The following DIP2B variants were observed in gnomAD, a reference collection of about 807,000 sequenced individuals.
DIP2B encodes disco-interacting protein 2 homolog B.
Under a neutral mutation model 198.0 loss-of-function variants are expected in DIP2B, and 76 were observed. The observed-to-expected ratio is 0.38, with a 90% CI of 0.32 to 0.46. DIP2B has a LOEUF of 0.46. Among genes scored for constraint, DIP2B ranks in the 20% least tolerant of loss-of-function variants. The pLI is 0.99. For synonymous variants in DIP2B, 701 were observed against 739.1 expected, an observed-to-expected ratio of 0.95 and a Z score of 0.84; for missense variants, 1,559 against 1,978.4, an observed-to-expected ratio of 0.79 and a Z score of 4.02.
rs953184400 is a variant in DIP2B, at chr12:50,745,468, G to A, written c.*629G>A. The A allele has an allele frequency of 6.6e-6, 1 of 152,522 alleles. No individual in the cohort carries two copies. Among genetic ancestry groups the A allele is most frequent in the East Asian group, 1.9e-4 (1 of 5,206 alleles). 9.4% of individuals were successfully genotyped at this position (152,522 alleles called of 1,614,324 possible). A position where few individuals can be genotyped will look rare whatever the true frequency, so the allele number is the denominator to read the frequency against. On this transcript the variant is annotated 3_prime_UTR_variant, in exon 38 of 38. Transcript: ENST00000301180. ...TTGTATAGTTATAACAACCACAGTA[G>A]AAACATTTCTACTTTGAGAGAATTT... is the stretch of plus-strand genomic sequence containing the variant.
At chr12:50,573,057 C>T (rs1237144953) in intron 1 of DIP2B, among the ~76,000 whole-genome samples, 4 of 152,212 alleles carry the variant, frequency 2.6e-5, no homozygotes, top group East Asian at 1.9e-4. Flanking sequence ...GAAATAAAGC[C>T]GCAGAGGGTG....
intron 3 of DIP2B, among the ~76,000 whole-genome samples, chr12:50,653,251 A>C (rs1326120220): frequency 7.4e-6 from 1 of 135,516 alleles, no homozygotes. Flanking sequence ...TGTTAGGTTT[A>C]TGTTTCTAAG....
At chr12:50,526,631 T>TC (rs1246554188) in intron 1 of DIP2B, among the ~76,000 whole-genome samples, 2 of 126,024 alleles carry the variant, frequency 1.6e-5, no homozygotes, top group Non-Finnish European at 3.3e-5. Flanking sequence ...TCTGCCTTTT[T>TC]TTTTTTTTTT....
chr12:50,645,830 G>A (rs1395395937), intron 3 of DIP2B, among the ~76,000 whole-genome samples: 1 of 151,786 alleles, frequency 6.6e-6, no homozygotes, highest in Non-Finnish European at 1.5e-5. Flanking sequence ...TAAATAATAT[G>A]TTTATAATTG....
intron 28 of DIP2B, among the ~76,000 whole-genome samples, chr12:50,726,596 C>T (rs912356876): frequency 8.5e-5 from 13 of 152,088 alleles, no homozygotes; most frequent in African/African-American, 3.1e-4. Flanking sequence ...AGTGGTCTAC[C>T]TGCCTCGGCC....
At chr12:50,575,004 A>G (rs969005379) in intron 1 of DIP2B, among the ~76,000 whole-genome samples, 2 of 152,174 alleles carry the variant, frequency 1.3e-5, no homozygotes, top group African/African-American at 4.8e-5. Context: ...AACATTTTAA[A>G]ATATGCCTAC....
chr12:50,563,683 A>T (rs1180589967), intron 1 of DIP2B, among the ~76,000 whole-genome samples: 1 of 150,950 alleles, frequency 6.6e-6, no homozygotes, highest in Non-Finnish European at 1.5e-5. Flanking sequence ...TTTTATGGGT[A>T]TGGGGTGTCA....
In DIP2B at chr12:50,745,057, A is replaced by G. The variant is rs746838927; in HGVS notation, c.*218A>G. The stretch of plus-strand genomic sequence containing the variant: ...TAACATTTGGTAGACATGTGCTTTG[A>G]CATAGCGTGAGCAGCACATTACTAA... On this transcript the variant is annotated 3_prime_UTR_variant, in exon 38 of 38. Transcript: ENST00000301180. 1.7e-6 allele frequency: 1 copy of G among 600,460 alleles called. No individual in the cohort carries two copies. The highest frequency in any genetic ancestry group is 1.9e-5 in the African/African-American group (1 of 54,040). The allele number at this position is 600,460 out of a possible 1,614,324, so 37.2% of individuals were successfully genotyped here.
intron 1 of DIP2B, among the ~76,000 whole-genome samples, chr12:50,584,511 G>A (rs1958753117): frequency 6.6e-6 from 1 of 152,164 alleles, no homozygotes. Context: ...CTTGTATGCT[G>A]TTCTCTTCAC....
chr12:50,517,210 C>T (rs1054859647), intron 1 of DIP2B, among the ~76,000 whole-genome samples: 4 of 151,816 alleles, frequency 2.6e-5, no homozygotes, highest in East Asian at 3.9e-4. Flanking sequence ...TGAGCCACCG[C>T]ACCCGACCAA....
At chr12:50,526,742 T>TG (rs2139358826) in intron 1 of DIP2B, among the ~76,000 whole-genome samples, 1 of 3,004 alleles carries the variant, frequency 3.3e-4, no homozygotes, top group Non-Finnish European at 0.031. Context: ...GTTCAAGCGA[T>TG]TTCCTGCCTC....
intron 1 of DIP2B, among the ~76,000 whole-genome samples, chr12:50,535,413 C>T (rs1360670946): frequency 1.3e-5 from 2 of 149,010 alleles, no homozygotes; most frequent in Non-Finnish European, 3.0e-5. Flanking sequence ...GTCACCCAGG[C>T]TGGAGTGCAG....
At chr12:50,723,050 C>A in intron 26 of DIP2B, 152 bp from the exon 27 acceptor site, 1 of 855,934 alleles carries the variant, frequency 1.2e-6, no homozygotes, top group Non-Finnish European at 1.7e-6. Flanking sequence ...CCTTCTTTCA[C>A]TTTCAATATC....
chr12:50,680,328 AT>A (rs1939019732), intron 8 of DIP2B: 1 of 165,098 alleles, frequency 6.1e-6, no homozygotes, highest in African/African-American at 2.4e-5. Context: ...GTAATTAAAA[AT>A]ATTGTTTTCC....
chr12:50,742,094 T>C (rs1291122240), intron 37 of DIP2B, among the ~76,000 whole-genome samples: 1 of 152,056 alleles, frequency 6.6e-6, no homozygotes, highest in African/African-American at 2.4e-5. Context: ...ACTTAAAATC[T>C]GTAAAATTAA....
rs752462663 is a variant in DIP2B at position 50,699,051 on chromosome 12, T to C, written c.2189-15T>C. 6.2e-7 allele frequency: 1 copy of C among 1,613,068 alleles called. No homozygotes were observed. The highest frequency in any genetic ancestry group is 8.5e-7 in the Non-Finnish European group (1 of 1,179,694). On this transcript the variant is annotated splice_polypyrimidine_tract_variant and intron_variant, in intron 18 of 37. Coordinates refer to ENST00000301180, the MANE Select transcript of DIP2B (RefSeq NM_173602.3). ...TAGAATCTTTGTCCTTTAACCTGTATTTTCTGTACGTTAGGGATGATGTGC... is the reference window on the plus strand; with the variant it reads ...TAGAATCTTTGTCCTTTAACCTGTACTTTCTGTACGTTAGGGATGATGTGC...
At chr12:50,521,524 C>T (rs1383385602) in intron 1 of DIP2B, among the ~76,000 whole-genome samples, 2 of 132,868 alleles carry the variant, frequency 1.5e-5, no homozygotes, top group African/African-American at 5.7e-5. Context: ...TGGAGTCTCA[C>T]ACTCTGTTGC....
At chr12:50,690,952 A>G in intron 12 of DIP2B, 97 bp from the exon 13 acceptor site, 4 of 975,416 alleles carry the variant, frequency 4.1e-6, no homozygotes, top group Non-Finnish European at 6.2e-6. Context: ...TCAGCCCATT[A>G]TGATGGTTTT....
intron 1 of DIP2B, among the ~76,000 whole-genome samples, chr12:50,516,863 T>A (rs887651101): frequency 6.6e-6 from 1 of 151,268 alleles, no homozygotes; most frequent in Non-Finnish European, 1.5e-5. Context: ...TAATCCCAGC[T>A]ACTCAGGAGG....
Sources: allele counts gnomAD v4.1 joint callset (sites outside exome capture counted in the v4.1 genomes callset), GRCh38; gene constraint gnomAD v4.1.1; transcripts MANE v1.5; gene names NCBI Gene and HGNC (gene_info 2026-07-23, HGNC 2026-07-21).